NKAIN3: variants seen among roughly 807,000 people sequenced by gnomAD.
NKAIN3 encodes sodium/potassium transporting ATPase interacting 3.
In NKAIN3, 25 loss-of-function variants were observed where a neutral mutation model predicts 30.2. The ratio of observed to expected loss-of-function variants is 0.83; its 90% CI spans 0.60 to 1.16. The LOEUF (loss-of-function observed/expected upper bound fraction) is 1.16, where lower values mean the gene tolerates loss of function less well. Among genes scored for constraint, NKAIN3 ranks in the 50% most tolerant of loss-of-function variants. The pLI, the probability that NKAIN3 is intolerant of heterozygous loss-of-function variation, is 0.00. For synonymous variants in NKAIN3, 91 were observed against 89.6 expected (o/e 1.02, Z -0.09); for missense variants, 225 against 254.1 (o/e 0.89, Z 0.78).
chr8:62,318,942 G>A (rs929328712), intron 1 of NKAIN3, among the ~76,000 whole-genome samples: 10 of 152,176 alleles, frequency 6.6e-5, no homozygotes, highest in African/African-American at 1.4e-4. Flanking sequence ...GGTAGAATTC[G>A]GCTGTGAATC....
chr8:62,500,467 A>AAGAAAGAAAG (rs1563427396), intron 1 of NKAIN3, among the ~76,000 whole-genome samples: 31 of 142,336 alleles, frequency 2.2e-4, no homozygotes, highest in South Asian at 4.3e-4. Flanking sequence ...GAAAGAAAGA[A>AAGAAAGAAAG]AGAAAGAAAG....
At chr8:62,679,397 C>T (rs1040226217) in intron 3 of NKAIN3, among the ~76,000 whole-genome samples, 1 of 152,156 alleles carries the variant, frequency 6.6e-6, no homozygotes, top group African/African-American at 2.4e-5. Flanking sequence ...CTTTGCAGCA[C>T]AGTAAGTAGA....
chr8:62,374,872 T>G (rs1462561524), intron 1 of NKAIN3, among the ~76,000 whole-genome samples: 1 of 152,174 alleles, frequency 6.6e-6, no homozygotes, highest in Non-Finnish European at 1.5e-5. Context: ...TTACTGAACT[T>G]GGGAAAAGAT....
intron 1 of NKAIN3, among the ~76,000 whole-genome samples, chr8:62,395,790 A>G (rs1585760057): frequency 6.6e-6 from 1 of 152,216 alleles, no homozygotes; most frequent in Admixed American, 6.5e-5. Flanking sequence ...TCAATTAGAT[A>G]TACATATTAG....
chr8:62,434,380 A>T (rs146464331), intron 1 of NKAIN3, among the ~76,000 whole-genome samples: 1 of 152,146 alleles, frequency 6.6e-6, no homozygotes, highest in East Asian at 1.9e-4. Flanking sequence ...GTGGCATTGC[A>T]GGAGGCAGAA....
chr8:62,736,515 C>G (rs1266397881), intron 3 of NKAIN3, among the ~76,000 whole-genome samples: 1 of 152,162 alleles, frequency 6.6e-6, no homozygotes, highest in Non-Finnish European at 1.5e-5. Flanking sequence ...AAAGCCCCGA[C>G]TCACTCTCAC....
intron 1 of NKAIN3, among the ~76,000 whole-genome samples, chr8:62,415,882 C>T (rs1169575904): frequency 2.6e-5 from 4 of 151,856 alleles, no homozygotes; most frequent in Non-Finnish European, 5.9e-5. Context: ...CTCAGCCTCC[C>T]GAGTAGCTGG....
At chr8:62,388,660 T>C (rs551410425) in intron 1 of NKAIN3, among the ~76,000 whole-genome samples, 1 of 152,312 alleles carries the variant, frequency 6.6e-6, no homozygotes, top group African/African-American at 2.4e-5. Context: ...AAAACATCCA[T>C]CAAAGTTGCA....
At chr8:62,751,065 G>C (rs1816266908) in intron 4 of NKAIN3, among the ~76,000 whole-genome samples, 1 of 152,076 alleles carries the variant, frequency 6.6e-6, no homozygotes, top group Non-Finnish European at 1.5e-5. Flanking sequence ...TCACCTTCAG[G>C]ATGAAATCTG....
intron 4 of NKAIN3, among the ~76,000 whole-genome samples, chr8:62,822,351 G>T (rs988012715): frequency 6.6e-6 from 1 of 152,070 alleles, no homozygotes; most frequent in Non-Finnish European, 1.5e-5. Flanking sequence ...TATAAGAAGT[G>T]TTTCAAGAAC....
intron 1 of NKAIN3, among the ~76,000 whole-genome samples, chr8:62,399,540 C>T (rs1428801843): frequency 6.6e-6 from 1 of 152,082 alleles, no homozygotes; most frequent in Non-Finnish European, 1.5e-5. Flanking sequence ...GAAAGAAATA[C>T]ATATTCAGTG....
intron 1 of NKAIN3, among the ~76,000 whole-genome samples, chr8:62,497,670 A>G (rs1183091000): frequency 1.3e-5 from 2 of 152,052 alleles, no homozygotes; most frequent in Non-Finnish European, 2.9e-5. Context: ...TCTAGGAGTG[A>G]TCCAAAACAT....
chr8:62,612,309 A>G (rs1811319728), intron 3 of NKAIN3, among the ~76,000 whole-genome samples: 1 of 151,918 alleles, frequency 6.6e-6, no homozygotes, highest in South Asian at 2.1e-4. Flanking sequence ...TTGGGTGCGT[A>G]TATATTTAAA....
At chr8:62,814,765 C>T (rs1818621391) in intron 4 of NKAIN3, among the ~76,000 whole-genome samples, 2 of 151,858 alleles carry the variant, frequency 1.3e-5, no homozygotes, top group African/African-American at 4.8e-5. Context: ...ACTAAATGCC[C>T]ACAAGAGAAA....
intron 1 of NKAIN3, among the ~76,000 whole-genome samples, chr8:62,494,492 G>A (rs1445431538): frequency 6.6e-6 from 1 of 152,036 alleles, no homozygotes; most frequent in African/African-American, 2.4e-5. Flanking sequence ...TATTTGTTGT[G>A]TCTCTGCCAG....
chr8:62,401,021 C>G (rs1803849450), intron 1 of NKAIN3, among the ~76,000 whole-genome samples: 2 of 148,234 alleles, frequency 1.3e-5, no homozygotes, highest in South Asian at 4.3e-4. Context: ...CTTTCTCTCA[C>G]TCTCTCTCTC....
intron 1 of NKAIN3, among the ~76,000 whole-genome samples, chr8:62,416,977 C>G (rs113563238): frequency 1.3e-5 from 2 of 151,170 alleles, no homozygotes; most frequent in Non-Finnish European, 1.5e-5. Flanking sequence ...GGTGACAGAG[C>G]GAAACTCCAT....
At chr8:62,349,604 G>A (rs1816119224) in intron 1 of NKAIN3, among the ~76,000 whole-genome samples, 1 of 152,166 alleles carries the variant, frequency 6.6e-6, no homozygotes, top group African/African-American at 2.4e-5. Flanking sequence ...TAAAGCATAT[G>A]CACGTGGTAC....
intron 1 of NKAIN3, among the ~76,000 whole-genome samples, chr8:62,253,800 C>G (rs1812181836): frequency 6.6e-6 from 1 of 152,100 alleles, no homozygotes; most frequent in Non-Finnish European, 1.5e-5. Context: ...TAACTAAGCT[C>G]TATGAAAGGT....
Sources: allele counts gnomAD v4.1 joint callset (sites outside exome capture counted in the v4.1 genomes callset), GRCh38; gene constraint gnomAD v4.1.1; transcripts MANE v1.5; gene names NCBI Gene and HGNC (gene_info 2026-07-23, HGNC 2026-07-21).